CXXC1: variants seen among roughly 807,000 people sequenced by gnomAD.
CXXC1 encodes the protein CXXC finger protein 1, also known as CXXC-type zinc finger protein 1.
In CXXC1, 21 loss-of-function variants were observed where a neutral mutation model predicts 83.6. The ratio of observed to expected loss-of-function variants is 0.25; its 90% CI spans 0.18 to 0.36. The LOEUF is 0.36. Among genes scored for constraint, CXXC1 ranks in the 10% least tolerant of loss-of-function variants. CXXC1 has a pLI of 1.00. For synonymous variants in CXXC1, 371 were observed against 337.5 expected (o/e 1.10, Z -1.09); for missense variants, 688 against 919.5 (o/e 0.75, Z 3.26).
Position 50,282,859 on chromosome 18 carries a change from G to A in CXXC1, c.1819C>T (p.Arg607Cys), listed in dbSNP as rs143447121. 2.5e-6 allele frequency: 4 copies of A among 1,613,992 alleles called. No homozygotes were observed. Among genetic ancestry groups the A allele is most frequent in the South Asian group, 1.1e-5 (1 of 91,088 alleles). Residue 607 changes from arginine to cysteine, a missense_variant, in exon 14 of 15, where the codon CGT becomes TGT. By Grantham distance (180) the Arg-to-Cys change is radical. This residue lies in a region of CXXC1 where 114 missense variants were observed against 173.3 expected (regional missense o/e 0.66). Transcript: ENST00000285106. This position sits in a 1 kb window ranked among gnomAD's most constrained non-coding sequence, Gnocchi z 5.8. ...AAAACCGCACAGAAACCTACCACAC[G>A]CACGCGCTCCAAGTCCACTTCCGCA... ...RRAEVDLERVRVWYKLDELFE... is the reference protein window; with the variant it reads ...RRAEVDLERVCVWYKLDELFE...
chr18:50,287,340 A>C, intron 1 of CXXC1: 1 of 556,142 alleles, frequency 1.8e-6, no homozygotes, highest in Non-Finnish European at 3.2e-6. Context: ...CTGCCCTAAG[A>C]ACCCCCGATC....
chr18:50,283,435 C>G, intron 12 of CXXC1, 74 bp from the exon 13 acceptor site: 1 of 1,605,208 alleles, frequency 6.2e-7, no homozygotes, highest in South Asian at 1.1e-5. Context: ...TTGCCCGTAT[C>G]CTGCCCCAGC....
chr18:50,284,249 G>T, intron 9 of CXXC1, 129 bp downstream of exon 9: 1 of 1,463,540 alleles, frequency 6.8e-7, no homozygotes, highest in Non-Finnish European at 9.3e-7. Flanking sequence ...TGGGTAGGTG[G>T]ATGGGTGAGT....
chr18:50,282,805 C>T lies in CXXC1; in HGVS notation c.1824+49G>A, dbSNP rs751506313. The T allele has an allele frequency of 3.1e-6, 5 of 1,611,960 alleles. No homozygotes were observed. In the East Asian group the frequency reaches 6.7e-5, roughly 22 times the overall value. ...CAGCCCCGCCTGCCCCGGCCACGTCCGACATGGAAACCTACCACATGCAGC... is the reference window on the plus strand; with the variant it reads ...CAGCCCCGCCTGCCCCGGCCACGTCTGACATGGAAACCTACCACATGCAGC... On this transcript the variant is annotated intron_variant, in intron 14 of 14. Transcript: ENST00000285106. The surrounding 1 kb of genome is among the most constrained non-coding windows in gnomAD (Gnocchi z 5.8).
rs1415876280 is a variant in CXXC1 at position 50,282,401 on chromosome 18, TG to T, written c.*191del. On this transcript the variant is annotated 3_prime_UTR_variant, in exon 15 of 15. Coordinates refer to ENST00000285106, the MANE Select transcript of CXXC1 (RefSeq NM_014593.4). This position sits in a 1 kb window ranked among gnomAD's most constrained non-coding sequence, Gnocchi z 5.8. Reference sequence around the variant, plus strand: ...CCCAGGGAGAGGAGGCAAGGATGAGTGGACTCCGCAGCCCCACCAGGCACTG... The same window carrying T: ...CCCAGGGAGAGGAGGCAAGGATGAGTGACTCCGCAGCCCCACCAGGCACTG... 7.3e-6 allele frequency: 5 copies of T among 685,190 alleles called. No individual in the cohort carries two copies. Among genetic ancestry groups the T allele is most frequent in the Non-Finnish European group, 1.0e-5 (4 of 399,866 alleles). 42.4% of individuals were successfully genotyped at this position (685,190 alleles called of 1,614,324 possible). A position where few individuals can be genotyped will look rare whatever the true frequency, so the allele number is the denominator to read the frequency against.
At chr18:50,283,118 C>G (rs558613648) in intron 13 of CXXC1, 112 bp from the exon 14 acceptor site, 1 of 1,351,134 alleles carries the variant, frequency 7.4e-7, no homozygotes, top group African/African-American at 1.4e-5. Flanking sequence ...GGTGAGGAGG[C>G]ATGGAAAAGG....
In CXXC1 at chr18:50,284,447, C is replaced by T; in HGVS notation, c.1136G>A (p.Gly379Asp). The T allele has an allele frequency of 6.2e-7, 1 of 1,603,076 alleles. No homozygotes were observed. The highest frequency in any genetic ancestry group is 8.5e-7 in the Non-Finnish European group (1 of 1,175,012). ...PASLPQCLGP[G>D]CVRPAQPSSK... ...GCTGGGCTGGGCGGGGCGCACACAG[C>T]CGGGCCCCAGGCACTGGGGCAGTGA... Residue 379 changes from glycine to aspartate, a missense_variant, in exon 9 of 15, where the codon GGC becomes GAC. Gly to Asp is a moderately conservative substitution (Grantham distance 94). Transcript: ENST00000285106.
At chr18:50,287,102 C>T in intron 1 of CXXC1, 1 of 564,138 alleles carries the variant, frequency 1.8e-6, no homozygotes, top group Non-Finnish European at 3.2e-6. Context: ...TCCACACTCG[C>T]TAATGGGTCA....
Position 50,285,562 on chromosome 18 carries a change from G to T in CXXC1, c.639+187C>A. ...CACTCTGTCTACCCAGGGTTGGTGG[G>T]GGTGTTCTGCCAGCCCAGCATACCA... On this transcript the variant is annotated intron_variant, in intron 5 of 14. Transcript: ENST00000285106. This position sits in a 1 kb window ranked among gnomAD's most constrained non-coding sequence, Gnocchi z 4.4. 1.0e-6 allele frequency: 1 copy of T among 962,370 alleles called. No homozygotes were observed. Among genetic ancestry groups the T allele is most frequent in the Non-Finnish European group, 1.5e-6 (1 of 655,610 alleles). The allele number at this position is 962,370 out of a possible 1,614,324, so 59.6% of individuals were successfully genotyped here.
Position 50,286,760 on chromosome 18 carries a change from C to G in CXXC1, c.102G>C (p.Pro34=). 1.9e-6 allele frequency: 3 copies of G among 1,614,008 alleles called. No homozygotes were observed. The highest frequency in any genetic ancestry group is 2.5e-6 in the Non-Finnish European group (3 of 1,179,854). ...NAPIYCICRK[P]DINCFMIGCD... is the part of the protein sequence containing the mutation. ...CTCACATCATGAAGCAGTTGATGTCCGGTTTGCGGCAGATGCAGTAGATGG... is the reference window on the plus strand; with the variant it reads ...CTCACATCATGAAGCAGTTGATGTCGGGTTTGCGGCAGATGCAGTAGATGG... The change falls in exon 2 of 15, where the codon CCG becomes CCC. Residue 34 remains proline (P), a synonymous_variant. Transcript: ENST00000285106.
Position 50,285,120 on chromosome 18 carries a change from G to A in CXXC1, c.794C>T (p.Thr265Ile). ...REDEGAVASSTVKEPPEATAT... is the reference protein window; with the variant it reads ...REDEGAVASSIVKEPPEATAT... ...TGTAGCCTCAGGAGGCTCCTTGACT[G>A]TTGATGACGCCACTGCCCCCTCATC... Residue 265 changes from threonine to isoleucine, a missense_variant, in exon 7 of 15, where the codon ACA (threonine) becomes ATA (isoleucine). Thr to Ile is a moderately conservative substitution (Grantham distance 89). Transcript: ENST00000285106. This position sits in a 1 kb window ranked among gnomAD's most constrained non-coding sequence, Gnocchi z 4.4. The A allele has an allele frequency of 6.2e-7, 1 of 1,614,204 alleles. No individual in the cohort carries two copies. Among genetic ancestry groups the A allele is most frequent in the Non-Finnish European group, 8.5e-7 (1 of 1,180,036 alleles).
rs760511990 is a variant in CXXC1, at chr18:50,286,823, G to A, written c.39C>T (p.Ala13=). 52 of 1,613,804 alleles carry A rather than the reference G, an allele frequency of 3.2e-5. No individual in the cohort carries two copies. Among genetic ancestry groups the A allele is most frequent in the East Asian group, 1.3e-4 (6 of 44,866 alleles). The change falls in exon 2 of 15, where the codon GCC becomes GCT. Residue 13 remains alanine, a synonymous_variant. Transcript: ENST00000285106. ...CATTCTCGGACTTGCTGTCCTCCCC[G>A]GCATCTGGAGGCTCTGGGTCTGAAC... ...GDGSDPEPPD[A]GEDSKSENGE...
rs892765947 is a variant in CXXC1, at chr18:50,284,622, C to T, written c.1021-60G>A. Reference sequence around the variant, plus strand: ...CAAAGTCAGCCCCAGACCCCAGACCCTTGCTCCATTCTAGCCCTTTCTGGC... The same window carrying T: ...CAAAGTCAGCCCCAGACCCCAGACCTTTGCTCCATTCTAGCCCTTTCTGGC... On this transcript the variant is annotated intron_variant, in intron 8 of 14. Coordinates refer to ENST00000285106, the MANE Select transcript of CXXC1 (RefSeq NM_014593.4). 1.0e-5 allele frequency: 16 copies of T among 1,596,758 alleles called. No homozygotes were observed. The East Asian group carries it at 3.1e-4, about 31-fold the overall frequency.
At chr18:50,286,448 C>A in intron 3 of CXXC1, 91 bp downstream of exon 3, 1 of 1,165,218 alleles carries the variant, frequency 8.6e-7, no homozygotes, top group South Asian at 1.3e-5. Context: ...TCACCACAGA[C>A]GTGTATCACT....
rs761614989 is a variant in CXXC1 at position 50,284,540 on chromosome 18, T to C, written c.1043A>G (p.His348Arg). ...ATCCTTGTGCTTCTGCTTCTGCCGA[T>C]GCCGCTTGTATCGCTCCTCCTTCTG... ...EKKKEERYKR[H>R]RQKQKHKDKW... is the part of the protein sequence containing the mutation. Residue 348 changes from histidine (H) to arginine (R), a missense_variant, in exon 9 of 15, where the codon CAT becomes CGT. By Grantham distance (29) the His-to-Arg change is conservative (BLOSUM62 0). Transcript: ENST00000285106. 6.3e-7 allele frequency: 1 copy of C among 1,591,698 alleles called. No homozygotes were observed. Among genetic ancestry groups the C allele is most frequent in the Non-Finnish European group, 8.6e-7 (1 of 1,168,074 alleles).
chr18:50,287,241 G>A, intron 1 of CXXC1: 1 of 497,722 alleles, frequency 2.0e-6, no homozygotes, highest in Non-Finnish European at 3.6e-6. Flanking sequence ...ACCCCCAGTC[G>A]CGGCTGTCCA....
chr18:50,283,642 T>C (rs2040660011), intron 11 of CXXC1, 63 bp downstream of exon 11: 9 of 1,609,022 alleles, frequency 5.6e-6, no homozygotes, highest in Non-Finnish European at 7.7e-6. Context: ...AGACAACAAA[T>C]CTGTCCCCCA....
At position 50,285,632 on chromosome 18, in the gene CXXC1, G is replaced by T; in HGVS notation, c.639+117C>A. 1 of 1,327,248 alleles carries T rather than the reference G, an allele frequency of 7.5e-7. No homozygotes were observed. The highest frequency in any genetic ancestry group is 1.0e-6 in the Non-Finnish European group (1 of 956,980). The allele number at this position is 1,327,248 out of a possible 1,614,324, so 82.2% of individuals were successfully genotyped here. A position where few individuals can be genotyped will look rare whatever the true frequency, so the allele number is the denominator to read the frequency against. ...GGACATGACAGGCCCCTTCCCACCTGTCAGGATACAGTCAGGCCCAATCCC... is the reference window on the plus strand; with the variant it reads ...GGACATGACAGGCCCCTTCCCACCTTTCAGGATACAGTCAGGCCCAATCCC... On this transcript the variant is annotated intron_variant, in intron 5 of 14. Coordinates refer to ENST00000285106, the MANE Select transcript of CXXC1 (RefSeq NM_014593.4). The surrounding 1 kb of genome is among the most constrained non-coding windows in gnomAD (Gnocchi z 4.4).
rs2040702022 is a variant in CXXC1, at chr18:50,285,698, G to A, written c.639+51C>T. 6.3e-7 allele frequency: 1 copy of A among 1,592,038 alleles called. No homozygotes were observed. Among genetic ancestry groups the A allele is most frequent in the Non-Finnish European group, 8.5e-7 (1 of 1,171,602 alleles). ...GCCTAGACTTAACTAACCATGCATGGACCCACCAGCTCTCCCACACCTGAC... is the reference window on the plus strand; with the variant it reads ...GCCTAGACTTAACTAACCATGCATGAACCCACCAGCTCTCCCACACCTGAC... On this transcript the variant is annotated intron_variant, in intron 5 of 14. Coordinates refer to ENST00000285106, the MANE Select transcript of CXXC1 (RefSeq NM_014593.4). This position sits in a 1 kb window ranked among gnomAD's most constrained non-coding sequence, Gnocchi z 4.4.
Sources: gnomAD v4.1 joint callset for allele counts on GRCh38, gnomAD v4.1.1 for gene constraint, gnomAD v4.1.1 regional missense constraint, Gnocchi (gnomAD v3.1) non-coding constraint, MANE v1.5 for transcripts, NCBI Gene and HGNC (gene_info 2026-07-23, HGNC 2026-07-21) for gene names.